The following USH2A variants were observed in gnomAD, a reference collection of about 807,000 sequenced individuals.
The protein encoded by USH2A is Usher syndrome 2A (autosomal recessive, mild).
In USH2A, 443 loss-of-function variants were observed where a neutral mutation model predicts 538.9. The ratio of observed to expected loss-of-function variants is 0.82; its 90% CI spans 0.76 to 0.89. USH2A has a LOEUF of 0.89. Ranked by LOEUF, USH2A falls within the 40% of genes least tolerant of loss-of-function variation. The probability of loss-of-function intolerance (pLI) is 0.00; values close to 1 mark genes in which losing one functional copy is unlikely to be tolerated. For missense variants in USH2A, 6,633 were observed against 6,324.8 expected, an observed-to-expected ratio of 1.05 and a Z score of -1.65; for synonymous variants, 2,413 against 2,273.5, an observed-to-expected ratio of 1.06 and a Z score of -1.75.
intron 55 of USH2A, among the ~76,000 whole-genome samples, chr1:215,770,537 T>C (rs1458006505): frequency 1.3e-5 from 2 of 152,158 alleles, no homozygotes; most frequent in East Asian, 1.9e-4. Flanking sequence ...TTTAATTCTC[T>C]TTTCATTGGA....
intron 37 of USH2A, among the ~76,000 whole-genome samples, chr1:215,941,861 C>T (rs77639287): frequency 0.019 from 2,875 of 152,234 alleles, 55 homozygotes; most frequent in South Asian, 0.067. Context: ...TCATGTTTTG[C>T]TGTTGAATTC....
intron 47 of USH2A, among the ~76,000 whole-genome samples, chr1:215,822,140 C>T (rs1663032406): frequency 6.6e-6 from 1 of 151,554 alleles, no homozygotes; most frequent in Admixed American, 6.6e-5. Context: ...TTTAGAAATA[C>T]TTTTCTATTT....
At chr1:215,638,452 T>C (rs1656568393) in intron 69 of USH2A, among the ~76,000 whole-genome samples, 1 of 151,794 alleles carries the variant, frequency 6.6e-6, no homozygotes, top group Admixed American at 6.6e-5. Context: ...AAACCCCATC[T>C]CTACTGTAAA....
intron 48 of USH2A, among the ~76,000 whole-genome samples, chr1:215,814,515 T>C (rs1662801643): frequency 6.6e-6 from 1 of 152,026 alleles, no homozygotes; most frequent in South Asian, 2.1e-4. Context: ...GCATGAAAGA[T>C]TGGAGAGAAG....
intron 5 of USH2A, among the ~76,000 whole-genome samples, chr1:216,326,406 A>G (rs898436583): frequency 2.0e-5 from 3 of 152,156 alleles, no homozygotes; most frequent in African/African-American, 7.2e-5. Context: ...CAGCTTTTCC[A>G]TTCATTAAAT....
rs1667470711 is a variant in USH2A, at chr1:215,970,640, A to G, written c.6942T>C (p.Cys2314=). 6.2e-7 allele frequency: 1 copy of G among 1,613,544 alleles called. No individual in the cohort carries two copies. The highest frequency in any genetic ancestry group is 1.1e-5 in the South Asian group (1 of 91,082). The part of the protein sequence containing the change: ...FRVQACTAKG[C]ALGPLVENRT... Reference sequence around the variant, plus strand: ...AGATACTCACCAGTGGGCCCAGAGCACAACCTTTGGCCGTGCATGCTTGGA... The same window carrying G: ...AGATACTCACCAGTGGGCCCAGAGCGCAACCTTTGGCCGTGCATGCTTGGA... The change falls in exon 36 of 72, where the codon TGT becomes TGC. Residue 2314 remains cysteine, a synonymous_variant. Coordinates refer to ENST00000307340, the MANE Select transcript of USH2A (RefSeq NM_206933.4).
intron 8 of USH2A, 34 bp from the exon 9 acceptor site, chr1:216,322,010 C>T: frequency 6.3e-7 from 1 of 1,595,528 alleles, no homozygotes; most frequent in Non-Finnish European, 8.6e-7. Context: ...TCCTAAGGAA[C>T]ACCAACTCAA....
chr1:216,359,270 A>G lies in USH2A; in HGVS notation c.784+5683T>C, dbSNP rs146978908. 1.8e-3 allele frequency among the ~76,000 whole-genome samples: 274 copies of G among 152,188 alleles called. 5 individuals are homozygous for G. The highest frequency in any genetic ancestry group is 6.3e-3 in the African/African-American group (261 of 41,566). ...GGAAATATAGTGTTATCCCTATCTT[A>G]TTGTTTCACAATAAGAAAATTGATG... is the stretch of plus-strand genomic sequence containing the variant. On this transcript the variant is annotated intron_variant, in intron 4 of 71. Transcript: ENST00000307340.
chr1:215,762,230 T>C (rs1661000446), intron 56 of USH2A, among the ~76,000 whole-genome samples: 1 of 152,330 alleles, frequency 6.6e-6, no homozygotes, highest in Non-Finnish European at 1.5e-5. Context: ...TTGATTTAAA[T>C]GTGATATTAA....
chr1:215,916,341 TA>T (rs5780866), intron 38 of USH2A, among the ~76,000 whole-genome samples: 128,351 of 151,034 alleles, frequency 0.85, 54,555 homozygotes, highest in Admixed American at 0.86. Context: ...TGTGCAAAAA[TA>T]AAAAAAAAAA....
At chr1:215,782,348 A>T in intron 53 of USH2A, 152 bp from the exon 54 acceptor site, 1 of 811,218 alleles carries the variant, frequency 1.2e-6, no homozygotes, top group Non-Finnish European at 2.0e-6. Flanking sequence ...AGCAGTTCCT[A>T]ATTATACTAT....
At chr1:215,688,358 A>G (rs1179449525) in intron 61 of USH2A, among the ~76,000 whole-genome samples, 3 of 152,120 alleles carry the variant, frequency 2.0e-5, no homozygotes, top group African/African-American at 7.2e-5. Flanking sequence ...GGCCAAGGTA[A>G]AGAGTTCAAG....
intron 40 of USH2A, among the ~76,000 whole-genome samples, chr1:215,889,790 G>A (rs929212581): frequency 6.6e-6 from 1 of 152,134 alleles, no homozygotes; most frequent in African/African-American, 2.4e-5. Context: ...TGCCTGCATA[G>A]GTGTTGTGGA....
intron 27 of USH2A, among the ~76,000 whole-genome samples, chr1:216,076,598 A>G (rs1571940006): frequency 6.6e-6 from 1 of 152,108 alleles, no homozygotes; most frequent in African/African-American, 2.4e-5. Flanking sequence ...TTCTAACCTC[A>G]GAAACCTGAA....
intron 45 of USH2A, among the ~76,000 whole-genome samples, chr1:215,845,531 T>G (rs1252756341): frequency 1.3e-5 from 2 of 152,136 alleles, no homozygotes; most frequent in Non-Finnish European, 2.9e-5. Context: ...AAAAAAAGTT[T>G]CTAAATGTCA....
In USH2A at chr1:216,325,573, T is replaced by C; in HGVS notation, c.875A>G (p.Asp292Gly). 1 of 1,612,870 alleles carries C rather than the reference T, an allele frequency of 6.2e-7. No individual in the cohort carries two copies. Among genetic ancestry groups the C allele is most frequent in the Admixed American group, 1.7e-5 (1 of 59,856 alleles). ...NREILEVFSG[D>G]LLRLHAQSHC... The stretch of plus-strand genomic sequence containing the variant: ...TGATTGGGCATGCAATCTGAGAAGA[T>C]CTCCAGAGAAGACTTCCAGAATCTC... The change falls in exon 6 of 72, where the codon GAT (aspartate) becomes GGT (glycine). Residue 292 changes from aspartate to glycine, a missense_variant. Transcript: ENST00000307340.
At chr1:216,149,850 C>T (rs556903231) in intron 21 of USH2A, among the ~76,000 whole-genome samples, 9 of 152,228 alleles carry the variant, frequency 5.9e-5, no homozygotes, top group South Asian at 2.1e-4. Flanking sequence ...GACTGCCGTC[C>T]GCCTGCAGGA....
At chr1:216,147,396 C>A (rs1249729453) in intron 21 of USH2A, among the ~76,000 whole-genome samples, 1 of 152,102 alleles carries the variant, frequency 6.6e-6, no homozygotes, top group Non-Finnish European at 1.5e-5. Context: ...GTGGCTGGAG[C>A]TAAAGGCATA....
chr1:215,791,962 C>A (rs1415174986), intron 50 of USH2A, among the ~76,000 whole-genome samples: 1 of 152,110 alleles, frequency 6.6e-6, no homozygotes, highest in East Asian at 1.9e-4. Flanking sequence ...CATTTTTCTG[C>A]CCCTTCTGAT....
Sources: allele counts gnomAD v4.1 joint callset (sites outside exome capture counted in the v4.1 genomes callset), GRCh38; gene constraint gnomAD v4.1.1; transcripts MANE v1.5; gene names NCBI Gene and HGNC (gene_info 2026-07-23, HGNC 2026-07-21).